The following AGPAT3 variants were observed in gnomAD, a reference collection of about 807,000 sequenced individuals.
AGPAT3 encodes the protein 1-acyl-sn-glycerol-3-phosphate acyltransferase gamma.
Under a neutral mutation model 47.3 loss-of-function variants are expected in AGPAT3, and 5 were observed. The ratio of observed to expected loss-of-function variants is 0.11; its 90% confidence interval spans 0.06 to 0.22. The LOEUF (loss-of-function observed/expected upper bound fraction) is 0.22. AGPAT3 is among the 10% of genes least tolerant of loss of function. The pLI is 1.00. For synonymous variants in AGPAT3, 212 were observed against 208.3 expected (o/e 1.02, Z -0.15); for missense variants, 315 against 493.0 (o/e 0.64, Z 3.42).
intron 2 of AGPAT3, among the ~76,000 whole-genome samples, chr21:43,945,872 C>T (rs762368803): frequency 6.6e-6 from 1 of 152,200 alleles, no homozygotes; most frequent in Non-Finnish European, 1.5e-5. Flanking sequence ...TGCACAGGAG[C>T]GTGGCTTTGT....
chr21:43,868,134 G>T (rs994431409), intron 1 of AGPAT3, among the ~76,000 whole-genome samples: 1 of 152,172 alleles, frequency 6.6e-6, no homozygotes, highest in Non-Finnish European at 1.5e-5. Flanking sequence ...CATAACCTTG[G>T]GGCAGTGTCT....
intron 1 of AGPAT3, among the ~76,000 whole-genome samples, chr21:43,896,184 G>T (rs1320274220): frequency 6.6e-6 from 1 of 152,350 alleles, no homozygotes; most frequent in South Asian, 2.1e-4. Context: ...GATTACAGGG[G>T]TGAGCCACCA....
chr21:43,877,061 G>A (rs1439122533), intron 1 of AGPAT3, among the ~76,000 whole-genome samples: 1 of 152,102 alleles, frequency 6.6e-6, no homozygotes. Context: ...ATTTGACCAT[G>A]TTACCCAGGG....
At chr21:43,912,072 G>A (rs1029455569) in intron 2 of AGPAT3, among the ~76,000 whole-genome samples, 1 of 152,262 alleles carries the variant, frequency 6.6e-6, no homozygotes, top group Non-Finnish European at 1.5e-5. Context: ...GGAGCCTAGA[G>A]GTATCTTAGT....
Position 43,959,699 on chromosome 21 carries a change from C to T in AGPAT3, c.18C>T (p.Phe6=). ...GCAGCGCCATGGGCCTGCTGGCCTT[C>T]CTGAAGACCCAGTTCGTGCTGCACC... The part of the protein sequence containing the change: MGLLA[F]LKTQFVLHLL... Residue 6 remains phenylalanine (F), a synonymous_variant, in exon 3 of 10, where the codon TTC becomes TTT. Transcript: ENST00000291572. 1 of 1,613,530 alleles carries T rather than the reference C, an allele frequency of 6.2e-7. No individual in the cohort carries two copies. The highest frequency in any genetic ancestry group is 8.5e-7 in the Non-Finnish European group (1 of 1,179,930).
chr21:43,931,120 G>T (rs1227997295), intron 2 of AGPAT3, among the ~76,000 whole-genome samples: 1 of 152,160 alleles, frequency 6.6e-6, no homozygotes, highest in Non-Finnish European at 1.5e-5. Context: ...CCAGACCCGG[G>T]GTCAGGGCGG....
At chr21:43,869,239 T>G (rs1384416510) in intron 1 of AGPAT3, among the ~76,000 whole-genome samples, 3 of 152,206 alleles carry the variant, frequency 2.0e-5, no homozygotes, top group Non-Finnish European at 2.9e-5. Context: ...AAGAGCTGTT[T>G]ATTGACTCCT....
Position 43,982,603 on chromosome 21 carries a change from ACG to A in AGPAT3, c.*217_*218del. 1 of 408,992 alleles carries A rather than the reference ACG, an allele frequency of 2.4e-6. No individual in the cohort carries two copies. The highest frequency in any genetic ancestry group is 4.4e-6 in the Non-Finnish European group (1 of 227,932). The allele number at this position is 408,992 out of a possible 1,614,324, so 25.3% of individuals were successfully genotyped here. ...CACAGCGCAGGGTCCCAGCATCTCC[ACG>A]CGCGCCCGTGGGAGGTGGGTCCGGC... is the stretch of plus-strand genomic sequence containing the variant. On this transcript the variant is annotated 3_prime_UTR_variant, in exon 10 of 10. Coordinates refer to ENST00000291572, the MANE Select transcript of AGPAT3 (RefSeq NM_020132.5). This position sits in a 1 kb window ranked among gnomAD's most constrained non-coding sequence, Gnocchi z 6.2.
intron 2 of AGPAT3, among the ~76,000 whole-genome samples, chr21:43,941,700 G>A (rs923149753): frequency 7.2e-5 from 11 of 152,246 alleles, no homozygotes; most frequent in African/African-American, 7.2e-5. Flanking sequence ...GGGCTACCGC[G>A]AGTGTGACGG....
intron 2 of AGPAT3, among the ~76,000 whole-genome samples, chr21:43,937,001 T>C (rs1372710659): frequency 6.6e-6 from 1 of 152,272 alleles, no homozygotes; most frequent in African/African-American, 2.4e-5. Flanking sequence ...TTTTCTCTAA[T>C]AGAAATCTTT....
At chr21:43,956,965 G>A (rs961560987) in intron 2 of AGPAT3, among the ~76,000 whole-genome samples, 2 of 152,212 alleles carry the variant, frequency 1.3e-5, no homozygotes, top group Non-Finnish European at 2.9e-5. Context: ...AAGGGAAGAA[G>A]ACCCCTCCAC....
At chr21:43,866,548 C>T (rs1268066156) in intron 1 of AGPAT3, 2 of 152,260 alleles carry the variant, frequency 1.3e-5, no homozygotes, top group Non-Finnish European at 2.9e-5. Context: ...GCTGAGCACT[C>T]TCTTGATTTG....
intron 2 of AGPAT3, among the ~76,000 whole-genome samples, chr21:43,942,718 CGCGGTCACCCTAGGGTGCA>C (rs1569078343): frequency 2.0e-5 from 3 of 152,106 alleles, no homozygotes; most frequent in African/African-American, 7.2e-5. Context: ...CACGCCTGCC[CGCGGTCACCCTAGGGTGCA>C]GCGGTCACCC....
intron 2 of AGPAT3, among the ~76,000 whole-genome samples, chr21:43,910,269 G>A (rs2086601985): frequency 6.6e-6 from 1 of 152,246 alleles, no homozygotes; most frequent in Non-Finnish European, 1.5e-5. Flanking sequence ...GCGCCCGTGA[G>A]AGGGTGCTGG....
chr21:43,965,520 C>A (rs2089076760), intron 3 of AGPAT3: 1 of 152,274 alleles, frequency 6.6e-6, no homozygotes, highest in Non-Finnish European at 1.5e-5. Context: ...TGCCTTTGAG[C>A]TGTCTTATAA....
chr21:43,901,860 G>T lies in AGPAT3; in HGVS notation c.-111-2097G>T, dbSNP rs1456766280. Among the ~76,000 whole-genome samples the T allele has an allele frequency of 2.6e-5, 4 of 152,202 alleles. No individual in the cohort carries two copies. In the East Asian group the frequency reaches 7.7e-4, roughly 29 times the overall value. ...GTAGATTAGACATTGCAGAAGAAAAGATCAGTATACTTGAAGACACAGCAC... is the reference window on the plus strand; with the variant it reads ...GTAGATTAGACATTGCAGAAGAAAATATCAGTATACTTGAAGACACAGCAC... On this transcript the variant is annotated intron_variant, in intron 1 of 9. Coordinates refer to ENST00000291572, the MANE Select transcript of AGPAT3 (RefSeq NM_020132.5).
rs1179203377 is a variant in AGPAT3 at position 43,922,651 on chromosome 21, C to T, written c.-49+18632C>T. Among the ~76,000 whole-genome samples the T allele has an allele frequency of 6.6e-6, 1 of 152,198 alleles. No homozygotes were observed. The highest frequency in any genetic ancestry group is 1.5e-5 in the Non-Finnish European group (1 of 68,034). On this transcript the variant is annotated intron_variant, in intron 2 of 9. Coordinates refer to ENST00000291572, the MANE Select transcript of AGPAT3 (RefSeq NM_020132.5). This position sits in a 1 kb window ranked among gnomAD's most constrained non-coding sequence, Gnocchi z 4.9. The stretch of plus-strand genomic sequence containing the variant: ...GAAGTCTGGGCTGGAGCTACCTGCT[C>T]TGTGGGAAACAACAGTGTGCTCTGG...
At chr21:43,906,558 G>A (rs1032859918) in intron 2 of AGPAT3, among the ~76,000 whole-genome samples, 3 of 152,172 alleles carry the variant, frequency 2.0e-5, no homozygotes, top group Non-Finnish European at 4.4e-5. Flanking sequence ...GAGTTGATGA[G>A]GAGGTGGGAT....
At chr21:43,931,922 CGTGTGTGTGTGTGTGTGTGTGTGT>C (rs55978822) in intron 2 of AGPAT3, among the ~76,000 whole-genome samples, 8 of 145,648 alleles carry the variant, frequency 5.5e-5, no homozygotes, top group African/African-American at 2.1e-4. Context: ...AAGAGGATCT[CGTGTGTGTGTGTGTGTGTGTGTGT>C]GTGTGTGTGT....
Sources: allele counts gnomAD v4.1 joint callset (sites outside exome capture counted in the v4.1 genomes callset), GRCh38; gene constraint gnomAD v4.1.1; non-coding constraint Gnocchi (gnomAD v3.1); transcripts MANE v1.5; gene names NCBI Gene and HGNC (gene_info 2026-07-23, HGNC 2026-07-21).